The following CFL2 variants were observed in gnomAD, a reference collection of about 807,000 sequenced individuals.
CFL2 encodes the protein cofilin 2.
In CFL2, 10 loss-of-function variants were observed where a neutral mutation model predicts 19.6. The observed-to-expected ratio is 0.51, with a 90% CI of 0.31 to 0.86. The LOEUF (loss-of-function observed/expected upper bound fraction) is 0.86. CFL2 is among the 40% of genes least tolerant of loss of function. The pLI is 0.04. For synonymous variants in CFL2, 63 were observed against 66.7 expected (o/e 0.95, Z 0.27); for missense variants, 125 against 192.1 (o/e 0.65, Z 2.06).
intron 1 of CFL2, chr14:34,714,109 A>G (rs901118445): frequency 1.1e-5 from 4 of 371,718 alleles, no homozygotes; most frequent in Admixed American, 4.4e-5. Context: ...CATTTTAAAA[A>G]GTGTTTTCCC....
At position 34,710,533 on chromosome 14, in the gene CFL2, C is replaced by T. The variant is rs754225331; in HGVS notation, c.*2332G>A. The T allele has an allele frequency of 4.5e-6, 2 of 440,212 alleles. No homozygotes were observed. Among genetic ancestry groups the T allele is most frequent in the Middle Eastern group, 7.2e-4 (1 of 1,386 alleles). 27.3% of individuals were successfully genotyped at this position (440,212 alleles called of 1,614,324 possible). A position where few individuals can be genotyped will look rare whatever the true frequency, so the allele number is the denominator to read the frequency against. On this transcript the variant is annotated 3_prime_UTR_variant, in exon 4 of 4. Transcript: ENST00000298159. ...CCTTCAATATTTTACTAATTAGCACCGTATACCTTTTAAAGCTAACTGGAA... is the reference window on the plus strand; with the variant it reads ...CCTTCAATATTTTACTAATTAGCACTGTATACCTTTTAAAGCTAACTGGAA...
chr14:34,713,224 AAAG>A (rs776043224), intron 2 of CFL2, 27 bp downstream of exon 2: 95 of 1,599,110 alleles, frequency 5.9e-5, no homozygotes, highest in Non-Finnish European at 7.7e-5. Context: ...TTGCATTTTA[AAAG>A]TACTTTTTTC....
rs775808335 is a variant in CFL2 at position 34,710,484 on chromosome 14, T to C, written c.*2381A>G. On this transcript the variant is annotated 3_prime_UTR_variant, in exon 4 of 4. Coordinates refer to ENST00000298159, the MANE Select transcript of CFL2 (RefSeq NM_138638.5). The stretch of plus-strand genomic sequence containing the variant: ...TTTTATTTTTTAAACTCTCATAACT[T>C]TGCAAGCTAGCAGTAAAATATTGCC... 1 of 441,430 alleles carries C rather than the reference T, an allele frequency of 2.3e-6. No homozygotes were observed. Among genetic ancestry groups the C allele is most frequent in the South Asian group, 1.7e-5 (1 of 60,194 alleles). 27.3% of individuals were successfully genotyped at this position (441,430 alleles called of 1,614,324 possible).
intron 1 of CFL2, 182 bp downstream of exon 1, chr14:34,714,356 G>C: frequency 2.0e-6 from 2 of 1,023,934 alleles, no homozygotes; most frequent in Non-Finnish European, 2.6e-6. Flanking sequence ...AATCCAAAGA[G>C]CAGCAGGGCA....
chr14:34,713,831 T>C, intron 1 of CFL2: 1 of 1,557,264 alleles, frequency 6.4e-7, no homozygotes, highest in Non-Finnish European at 8.7e-7. Flanking sequence ...AAATGTTTCC[T>C]ATTTCACTGG....
rs2138464636 is a variant in CFL2 at position 34,709,362 on chromosome 14, C to G, written c.*3503G>C. The G allele has an allele frequency of 6.6e-6, 1 of 152,128 alleles. No homozygotes were observed. The highest frequency in any genetic ancestry group is 2.1e-4 in the South Asian group (1 of 4,822). The allele number at this position is 152,128 out of a possible 1,614,324, so 9.4% of individuals were successfully genotyped here. On this transcript the variant is annotated 3_prime_UTR_variant, in exon 4 of 4. Coordinates refer to ENST00000298159, the MANE Select transcript of CFL2 (RefSeq NM_138638.5). ...AAATTTAAGTGGAGGGATGATTCCT[C>G]TACTTCTACATGGAAATAAAGCAAT...
In CFL2 at chr14:34,711,537, C is replaced by G. The variant is rs1203649414; in HGVS notation, c.*1328G>C. On this transcript the variant is annotated 3_prime_UTR_variant, in exon 4 of 4. Coordinates refer to ENST00000298159, the MANE Select transcript of CFL2 (RefSeq NM_138638.5). ...AGAAATAGTAGGTGAAATGACTGTT[C>G]CGAAACATCAGAAGTATCATTAAAC... is the stretch of plus-strand genomic sequence containing the variant. The G allele has an allele frequency of 6.6e-6, 3 of 454,384 alleles. No individual in the cohort carries two copies. Among genetic ancestry groups the G allele is most frequent in the Non-Finnish European group, 1.3e-5 (3 of 226,808 alleles). 28.1% of individuals were successfully genotyped at this position (454,384 alleles called of 1,614,324 possible).
intron 1 of CFL2, 122 bp from the exon 2 acceptor site, chr14:34,713,683 C>A: frequency 6.2e-7 from 1 of 1,613,014 alleles, no homozygotes; most frequent in Non-Finnish European, 8.5e-7. Flanking sequence ...CCATGTAAGT[C>A]GTCCAATCAG....
rs755190839 is a variant in CFL2, at chr14:34,711,204, C to T, written c.*1661G>A. ...AAAATTTTTAAGGGATATTTTCTTTCCTGTTTTCTGCTAAAAGCATTCCTC... is the reference window on the plus strand; with the variant it reads ...AAAATTTTTAAGGGATATTTTCTTTTCTGTTTTCTGCTAAAAGCATTCCTC... On this transcript the variant is annotated 3_prime_UTR_variant, in exon 4 of 4. Transcript: ENST00000298159. 3.7e-4 allele frequency: 170 copies of T among 454,288 alleles called. No homozygotes were observed. The highest frequency in any genetic ancestry group is 4.6e-4 in the Non-Finnish European group (104 of 226,792). The allele number at this position is 454,288 out of a possible 1,614,324, so 28.1% of individuals were successfully genotyped here.
rs780902770 is a variant in CFL2 at position 34,712,979 on chromosome 14, T to G, written c.389-2A>C. 6.3e-7 allele frequency: 1 copy of G among 1,592,620 alleles called. No individual in the cohort carries two copies. The highest frequency in any genetic ancestry group is 8.6e-7 in the Non-Finnish European group (1 of 1,161,480). On this transcript the variant is annotated splice_acceptor_variant, in intron 3 of 3. Transcript: ENST00000298159. LOFTEE classifies it high-confidence loss of function. ...TTACTTGCCACTCATGTTTAATACC[T>G]AAAAAGAAAAAACATTATCCTATTA...
chr14:34,712,030 TA>T lies in CFL2; in HGVS notation c.*834del. 2.2e-6 allele frequency: 1 copy of T among 454,556 alleles called. No individual in the cohort carries two copies. Among genetic ancestry groups the T allele is most frequent in the Non-Finnish European group, 4.4e-6 (1 of 226,786 alleles). The allele number at this position is 454,556 out of a possible 1,614,324, so 28.2% of individuals were successfully genotyped here. A position where few individuals can be genotyped will look rare whatever the true frequency, so the allele number is the denominator to read the frequency against. On this transcript the variant is annotated 3_prime_UTR_variant, in exon 4 of 4. Transcript: ENST00000298159. The stretch of plus-strand genomic sequence containing the variant: ...ACGTTCTGTAATATGCCACAATTTT[TA>T]TTGCAACGTGGCCATTTTTGTGAGG...
chr14:34,711,977 T>A lies in CFL2; in HGVS notation c.*888A>T, dbSNP rs1264324012. 1 of 454,376 alleles carries A rather than the reference T, an allele frequency of 2.2e-6. No individual in the cohort carries two copies. Among genetic ancestry groups the A allele is most frequent in the Non-Finnish European group, 4.4e-6 (1 of 226,752 alleles). 28.1% of individuals were successfully genotyped at this position (454,376 alleles called of 1,614,324 possible). On this transcript the variant is annotated 3_prime_UTR_variant, in exon 4 of 4. Transcript: ENST00000298159. ...CCTAGAAGTTGTTTCACATAACATTTTGCAAAATTTCCAAGGAAAACAAGG... is the reference window on the plus strand; with the variant it reads ...CCTAGAAGTTGTTTCACATAACATTATGCAAAATTTCCAAGGAAAACAAGG...
Position 34,710,231 on chromosome 14 carries a change from A to G in CFL2, c.*2634T>C, listed in dbSNP as rs1290922646. The G allele has an allele frequency of 4.7e-6, 1 of 211,742 alleles. No homozygotes were observed. Among genetic ancestry groups the G allele is most frequent in the Non-Finnish European group, 9.6e-6 (1 of 103,730 alleles). 13.1% of individuals were successfully genotyped at this position (211,742 alleles called of 1,614,324 possible). A position where few individuals can be genotyped will look rare whatever the true frequency, so the allele number is the denominator to read the frequency against. On this transcript the variant is annotated 3_prime_UTR_variant, in exon 4 of 4. Transcript: ENST00000298159. ...AACAACAGCTGATAGCCAGTTTGGG[A>G]CACATGCCAACTGTTCCCATTTGTC... is the stretch of plus-strand genomic sequence containing the variant.
intron 1 of CFL2, chr14:34,713,819 T>G: frequency 6.4e-7 from 1 of 1,574,344 alleles, no homozygotes; most frequent in Non-Finnish European, 8.6e-7. Flanking sequence ...GTCCCATCCC[T>G]GAAATGTTTC....
intron 2 of CFL2, 53 bp downstream of exon 2, chr14:34,713,200 GA>G: frequency 6.3e-7 from 1 of 1,579,866 alleles, no homozygotes; most frequent in South Asian, 1.1e-5. Context: ...GACTGACTAT[GA>G]TAATAATAAT....
In CFL2 at chr14:34,710,622, A is replaced by ATT; in HGVS notation, c.*2242_*2243insAA. ...ATTTCAAATGCCAAATTAATCTCAA[A>ATT]TAACAAGTGAACTATTATTAATTTT... On this transcript the variant is annotated 3_prime_UTR_variant, in exon 4 of 4. Coordinates refer to ENST00000298159, the MANE Select transcript of CFL2 (RefSeq NM_138638.5). 2.3e-6 allele frequency: 1 copy of ATT among 434,042 alleles called. No individual in the cohort carries two copies. The highest frequency in any genetic ancestry group is 4.6e-6 in the Non-Finnish European group (1 of 219,658). 26.9% of individuals were successfully genotyped at this position (434,042 alleles called of 1,614,324 possible).
chr14:34,713,202 TAA>T, intron 2 of CFL2, 50 bp downstream of exon 2: 1 of 293,462 alleles, frequency 3.4e-6, no homozygotes, highest in South Asian at 7.6e-5. Flanking sequence ...CTGACTATGA[TAA>T]TAATAATCCT....
At position 34,713,436 on chromosome 14, in the gene CFL2, G is replaced by C; in HGVS notation, c.129C>G (p.Asp43Glu). The change falls in exon 2 of 4, where the codon GAC becomes GAG. Residue 43 changes from aspartate (D) to glutamate (E), a missense_variant. Coordinates refer to ENST00000298159, the MANE Select transcript of CFL2 (RefSeq NM_138638.5). ...KKAVLFCLSDDKRQIIVEEAK... is the reference protein window; with the variant it reads ...KKAVLFCLSDEKRQIIVEEAK... Reference sequence around the variant, plus strand: ...CTTCCTCTACAATTATTTGTCTTTTGTCATCGCTTAAACAGAAGAGAACTG... The same window carrying C: ...CTTCCTCTACAATTATTTGTCTTTTCTCATCGCTTAAACAGAAGAGAACTG... 1.2e-6 allele frequency: 2 copies of C among 1,613,786 alleles called. No individual in the cohort carries two copies. The highest frequency in any genetic ancestry group is 1.1e-5 in the South Asian group (1 of 91,026).
At position 34,710,349 on chromosome 14, in the gene CFL2, A is replaced by C. The variant is rs549631944; in HGVS notation, c.*2516T>G. On this transcript the variant is annotated 3_prime_UTR_variant, in exon 4 of 4. Coordinates refer to ENST00000298159, the MANE Select transcript of CFL2 (RefSeq NM_138638.5). ...AGTATTACCAACTAAAATCCTGAAA[A>C]ACAGAATAAAGATAATGATGCCTCT... 1 of 223,940 alleles carries C rather than the reference A, an allele frequency of 4.5e-6. No homozygotes were observed. Among genetic ancestry groups the C allele is most frequent in the South Asian group, 5.5e-5 (1 of 18,120 alleles). The allele number at this position is 223,940 out of a possible 1,614,324, so 13.9% of individuals were successfully genotyped here. A position where few individuals can be genotyped will look rare whatever the true frequency, so the allele number is the denominator to read the frequency against.
Sources: gnomAD v4.1 joint callset for allele counts on GRCh38, gnomAD v4.1.1 for gene constraint, MANE v1.5 for transcripts, NCBI Gene and HGNC (gene_info 2026-07-23, HGNC 2026-07-21) for gene names.